HS3ST4: variants seen among roughly 807,000 people sequenced by gnomAD.
HS3ST4 encodes heparan sulfate-glucosamine 3-sulfotransferase 4.
Under a neutral mutation model 29.2 loss-of-function variants are expected in HS3ST4, and 17 were observed. The ratio of observed to expected loss-of-function variants is 0.58; its 90% confidence interval spans 0.40 to 0.87. The LOEUF is 0.87. Ranked by LOEUF, HS3ST4 falls within the 40% of genes least tolerant of loss-of-function variation. The pLI is 0.00. For missense variants in HS3ST4, 627 were observed against 634.5 expected (o/e 0.99, Z 0.13); for synonymous variants, 314 against 285.7 (o/e 1.10, Z -1.00).
At chr16:25,989,403 G>GTGAC (rs1167263684) in intron 1 of HS3ST4, among the ~76,000 whole-genome samples, 1 of 152,222 alleles carries the variant, frequency 6.6e-6, no homozygotes, top group Non-Finnish European at 1.5e-5. Context: ...CACCACTGCG[G>GTGAC]TGACATACAT....
At chr16:25,983,978 T>C (rs1291507995) in intron 1 of HS3ST4, among the ~76,000 whole-genome samples, 2 of 152,174 alleles carry the variant, frequency 1.3e-5, no homozygotes, top group Non-Finnish European at 2.9e-5. Context: ...ATTGTACAGA[T>C]TCATGGGGCA....
intron 1 of HS3ST4, among the ~76,000 whole-genome samples, chr16:25,877,356 A>G (rs1967843132): frequency 6.6e-6 from 1 of 152,128 alleles, no homozygotes; most frequent in African/African-American, 2.4e-5. Flanking sequence ...GAGGAAAGGG[A>G]TTATTTGGGG....
intron 1 of HS3ST4, among the ~76,000 whole-genome samples, chr16:26,090,146 A>G (rs1265159632): frequency 1.3e-5 from 2 of 152,150 alleles, no homozygotes; most frequent in African/African-American, 4.8e-5. Context: ...TATATTGTAG[A>G]TAATTTTACA....
chr16:25,719,447 A>C (rs574971371), intron 1 of HS3ST4, among the ~76,000 whole-genome samples: 35 of 152,352 alleles, frequency 2.3e-4, no homozygotes, highest in African/African-American at 7.9e-4. Context: ...TGTAAGCAAG[A>C]GGAAACTTAA....
chr16:26,108,937 A>G (rs11640995), intron 1 of HS3ST4, among the ~76,000 whole-genome samples: 86,710 of 151,964 alleles, frequency 0.57, 25,300 homozygotes, highest in Non-Finnish European at 0.64. Flanking sequence ...GCCTGGAAGC[A>G]CTAAGAGGAA....
At chr16:25,988,985 A>G (rs114762329) in intron 1 of HS3ST4, among the ~76,000 whole-genome samples, 1,965 of 152,324 alleles carry the variant, frequency 0.013, 39 homozygotes, top group African/African-American at 0.045. Context: ...GCAAAGAACA[A>G]TTTGCAAATC....
At chr16:25,825,749 C>T (rs1967208647) in intron 1 of HS3ST4, 1 of 152,226 alleles carries the variant, frequency 6.6e-6, no homozygotes, top group South Asian at 2.1e-4. Flanking sequence ...TGCAGAGCCA[C>T]TCTAGGATTT....
At chr16:26,073,931 G>T (rs1405049423) in intron 1 of HS3ST4, among the ~76,000 whole-genome samples, 1 of 152,154 alleles carries the variant, frequency 6.6e-6, no homozygotes, top group Non-Finnish European at 1.5e-5. Flanking sequence ...AATTATTTAT[G>T]TTGTAAACTC....
chr16:26,105,951 AG>A (rs1899050016), intron 1 of HS3ST4, among the ~76,000 whole-genome samples: 1 of 152,250 alleles, frequency 6.6e-6, no homozygotes, highest in Non-Finnish European at 1.5e-5. Context: ...AATATTTAGC[AG>A]GGTGGTATAG....
At chr16:26,076,473 A>G (rs1224425075) in intron 1 of HS3ST4, among the ~76,000 whole-genome samples, 1 of 152,168 alleles carries the variant, frequency 6.6e-6, no homozygotes, top group Non-Finnish European at 1.5e-5. Context: ...AAAAAGTGGG[A>G]TTGGAAGAAA....
At chr16:25,958,046 C>A (rs1382910629) in intron 1 of HS3ST4, among the ~76,000 whole-genome samples, 1 of 152,188 alleles carries the variant, frequency 6.6e-6, no homozygotes, top group Non-Finnish European at 1.5e-5. Context: ...TCACTGCATA[C>A]TTCTTTCCAC....
At chr16:25,985,820 G>A (rs1016080919) in intron 1 of HS3ST4, among the ~76,000 whole-genome samples, 26 of 151,884 alleles carry the variant, frequency 1.7e-4, no homozygotes, top group African/African-American at 5.8e-4. Flanking sequence ...CAATTACCTG[G>A]GACTACAGGT....
Position 25,692,820 on chromosome 16 carries a change from G to C in HS3ST4, c.403G>C (p.Ala135Pro), listed in dbSNP as rs754766513. 3 of 1,386,494 alleles carry C rather than the reference G, an allele frequency of 2.2e-6. No homozygotes were observed. The highest frequency in any genetic ancestry group is 3.1e-5 in the African/African-American group (2 of 65,480). The allele number at this position is 1,386,494 out of a possible 1,614,324, so 85.9% of individuals were successfully genotyped here. The change falls in exon 1 of 2, where the codon GCC becomes CCC. Residue 135 changes from alanine to proline, a missense_variant. Physicochemically the swap from Ala to Pro is conservative, Grantham distance 27. Coordinates refer to ENST00000331351, the MANE Select transcript of HS3ST4 (RefSeq NM_006040.3). ...GGGGCTGCCGAGCGGCGGCGGAGGC[G>C]CCCAGGACGCCTGGCTCCGGACCCC... ...GWGLPSGGGGAQDAWLRTPLA... is the reference protein window; with the variant it reads ...GWGLPSGGGGPQDAWLRTPLA...
chr16:26,002,492 A>G (rs148291285), intron 1 of HS3ST4, among the ~76,000 whole-genome samples: 8 of 152,268 alleles, frequency 5.3e-5, no homozygotes, highest in Admixed American at 3.3e-4. Context: ...TTGACATTCA[A>G]ATTCCTTGCT....
intron 1 of HS3ST4, among the ~76,000 whole-genome samples, chr16:25,782,091 C>T (rs944809788): frequency 5.3e-5 from 8 of 152,106 alleles, no homozygotes; most frequent in African/African-American, 1.9e-4. Flanking sequence ...AGCAAGACAC[C>T]TTCTTCACAA....
At chr16:25,913,268 C>T (rs943556528) in intron 1 of HS3ST4, among the ~76,000 whole-genome samples, 1 of 152,212 alleles carries the variant, frequency 6.6e-6, no homozygotes, top group Non-Finnish European at 1.5e-5. Context: ...CTAACCCCCC[C>T]GGGGATGGTT....
At chr16:25,815,213 CT>C (rs1391573257) in intron 1 of HS3ST4, among the ~76,000 whole-genome samples, 1 of 152,178 alleles carries the variant, frequency 6.6e-6, no homozygotes, top group Middle Eastern at 3.2e-3. Context: ...TGTGTCACTT[CT>C]TTGCTTAATC....
At chr16:26,005,626 C>T (rs1419321885) in intron 1 of HS3ST4, among the ~76,000 whole-genome samples, 2 of 151,652 alleles carry the variant, frequency 1.3e-5, no homozygotes, top group African/African-American at 2.4e-5. Flanking sequence ...TTAGCCAGGT[C>T]TGGAACAAGG....
At chr16:25,864,368 A>T (rs574185298) in intron 1 of HS3ST4, among the ~76,000 whole-genome samples, 1 of 152,158 alleles carries the variant, frequency 6.6e-6, no homozygotes, top group Non-Finnish European at 1.5e-5. Flanking sequence ...CATCATTATT[A>T]TTAGGTTGGT....
Sources: allele counts gnomAD v4.1 joint callset (sites outside exome capture counted in the v4.1 genomes callset), GRCh38; gene constraint gnomAD v4.1.1; transcripts MANE v1.5; gene names NCBI Gene and HGNC (gene_info 2026-07-23, HGNC 2026-07-21).